The following EVI5 variants were observed in gnomAD, a reference collection of about 807,000 sequenced individuals.
EVI5 encodes ecotropic viral integration site 5 protein homolog.
Under a neutral mutation model 112.0 loss-of-function variants are expected in EVI5, and 73 were observed. The observed-to-expected ratio is 0.65, with a 90% CI of 0.54 to 0.79. The LOEUF (loss-of-function observed/expected upper bound fraction) is 0.79, where lower values mean the gene tolerates loss of function less well. Ranked by LOEUF, EVI5 falls within the 30% of genes least tolerant of loss-of-function variation. The pLI, the probability that EVI5 is intolerant of heterozygous loss-of-function variation, is 0.00. For missense variants in EVI5, 900 were observed against 968.8 expected, an observed-to-expected ratio of 0.93 and a Z score of 0.94; for synonymous variants, 305 against 319.9, an observed-to-expected ratio of 0.95 and a Z score of 0.50.
intron 14 of EVI5, among the ~76,000 whole-genome samples, chr1:92,633,862 T>G (rs1475323225): frequency 2.0e-5 from 3 of 152,188 alleles, no homozygotes; most frequent in Non-Finnish European, 4.4e-5. Context: ...AGGAGCTCTT[T>G]TAGGGCAGGC....
In EVI5 at chr1:92,511,239, A is replaced by C. The variant is rs189505911; in HGVS notation, c.*2417T>G. ...CAAAGTGGGTGGATCACCTGAGGTC[A>C]GAAGTTTGAGATCAGCCTGGCCAAC... is the stretch of plus-strand genomic sequence containing the variant. On this transcript the variant is annotated 3_prime_UTR_variant, in exon 20 of 20. Transcript: ENST00000684568. 5 of 152,330 alleles carry C rather than the reference A, an allele frequency of 3.3e-5. No homozygotes were observed. The highest frequency in any genetic ancestry group is 5.9e-5 in the Non-Finnish European group (4 of 68,044). 9.4% of individuals were successfully genotyped at this position (152,330 alleles called of 1,614,324 possible).
intron 16 of EVI5, among the ~76,000 whole-genome samples, chr1:92,621,085 C>T (rs1654458285): frequency 6.6e-6 from 1 of 151,656 alleles, no homozygotes; most frequent in Non-Finnish European, 1.5e-5. Flanking sequence ...ACTAAAAAAA[C>T]TCTTGAAAGA....
At chr1:92,525,661 A>G (rs1661745452) in intron 19 of EVI5, among the ~76,000 whole-genome samples, 1 of 152,192 alleles carries the variant, frequency 6.6e-6, no homozygotes, top group Non-Finnish European at 1.5e-5. Context: ...TATTCTTATA[A>G]TAATTTGTTT....
chr1:92,578,604 G>C (rs990099156), intron 18 of EVI5, among the ~76,000 whole-genome samples: 1 of 151,952 alleles, frequency 6.6e-6, no homozygotes, highest in Non-Finnish European at 1.5e-5. Flanking sequence ...TGTAGTCCCA[G>C]CTACTCGGGA....
intron 1 of EVI5, among the ~76,000 whole-genome samples, chr1:92,767,264 C>T (rs558430871): frequency 6.6e-6 from 1 of 152,232 alleles, no homozygotes; most frequent in South Asian, 2.1e-4. Flanking sequence ...TATGACAGTG[C>T]TTGTGCTCAA....
intron 14 of EVI5, among the ~76,000 whole-genome samples, chr1:92,635,906 TTCTC>T (rs1253079635): frequency 1.3e-5 from 2 of 152,182 alleles, no homozygotes; most frequent in East Asian, 3.8e-4. Flanking sequence ...TCACCTGAGT[TTCTC>T]TCTTCTGCAA....
chr1:92,695,863 C>T (rs1170597821), intron 6 of EVI5, among the ~76,000 whole-genome samples: 1 of 152,000 alleles, frequency 6.6e-6, no homozygotes, highest in Admixed American at 6.6e-5. Context: ...TTCTTACCTT[C>T]CTAAAGAATA....
intron 10 of EVI5, among the ~76,000 whole-genome samples, chr1:92,676,531 C>T (rs1297398200): frequency 6.6e-6 from 1 of 152,162 alleles, no homozygotes; most frequent in Non-Finnish European, 1.5e-5. Flanking sequence ...AAAGGCAACA[C>T]AATTTTTCTC....
intron 1 of EVI5, among the ~76,000 whole-genome samples, chr1:92,762,638 A>AGTTTTAATAGTTTATTAAAGAATT (rs1421336349): frequency 6.6e-6 from 1 of 152,210 alleles, no homozygotes; most frequent in Non-Finnish European, 1.5e-5. Flanking sequence ...TAATCTTATT[A>AGTTTTAATAGTTTATTAAAGAATT]CCTATTTAAG....
intron 19 of EVI5, among the ~76,000 whole-genome samples, chr1:92,536,725 TAAAG>T (rs949250752): frequency 3.3e-5 from 5 of 152,168 alleles, no homozygotes; most frequent in Non-Finnish European, 5.9e-5. Context: ...TTATAAGTGA[TAAAG>T]AAATCTGTGC....
At chr1:92,570,014 T>A (rs552836923) in intron 18 of EVI5, among the ~76,000 whole-genome samples, 34 of 152,234 alleles carry the variant, frequency 2.2e-4, no homozygotes, top group Non-Finnish European at 4.0e-4. Context: ...TTGTCAGTTC[T>A]GTCTGTATAC....
Position 92,576,205 on chromosome 1 carries a change from A to G in EVI5, c.2071-12468T>C, listed in dbSNP as rs141750029. Reference sequence around the variant, plus strand: ...ATTCTACCTTAGAGTCATATGTATGATATTATGTATACATGTCCTACACAT... The same window carrying G: ...ATTCTACCTTAGAGTCATATGTATGGTATTATGTATACATGTCCTACACAT... On this transcript the variant is annotated intron_variant, in intron 18 of 19. Transcript: ENST00000684568. 1.8e-4 allele frequency among the ~76,000 whole-genome samples: 27 copies of G among 151,816 alleles called. No homozygotes were observed. In the South Asian group the frequency reaches 4.8e-3, roughly 27 times the overall value.
At chr1:92,560,380 T>C (rs1419763133) in intron 19 of EVI5, among the ~76,000 whole-genome samples, 1 of 152,146 alleles carries the variant, frequency 6.6e-6, no homozygotes, top group East Asian at 1.9e-4. Context: ...CATGGTTACC[T>C]TTGAGTAGAA....
chr1:92,639,129 T>C (rs531050642), intron 13 of EVI5, among the ~76,000 whole-genome samples: 1 of 152,188 alleles, frequency 6.6e-6, no homozygotes, highest in Non-Finnish European at 1.5e-5. Context: ...AGTTAATTTA[T>C]GTAAATGAAT....
chr1:92,547,451 G>A (rs1665933644), intron 19 of EVI5, among the ~76,000 whole-genome samples: 3 of 152,146 alleles, frequency 2.0e-5, no homozygotes, highest in South Asian at 4.1e-4. Context: ...AGAGAAGCAA[G>A]AGCAAACACA....
chr1:92,565,956 A>AAAAAAAAAAG lies in EVI5; in HGVS notation c.2071-2220_2071-2219insCTTTTTTTTT, dbSNP rs1314958286. Among the ~76,000 whole-genome samples, 7 of 148,216 alleles carry AAAAAAAAAAG rather than the reference A, an allele frequency of 4.7e-5. 1 individual carries two copies. Among genetic ancestry groups the AAAAAAAAAAG allele is most frequent in the Non-Finnish European group, 1.0e-4 (7 of 67,186 alleles). On this transcript the variant is annotated intron_variant, in intron 18 of 19. Coordinates refer to ENST00000684568, the MANE Select transcript of EVI5 (RefSeq NM_001350197.2). The stretch of plus-strand genomic sequence containing the variant: ...CTGCATTCCAGCCCGAGCAAAAAAA[A>AAAAAAAAAAG]AAAAAAAAAAAAGAAATGTTCTAGC...
intron 1 of EVI5, among the ~76,000 whole-genome samples, chr1:92,781,334 C>G (rs1368781611): frequency 1.3e-5 from 2 of 151,852 alleles, no homozygotes; most frequent in Admixed American, 6.6e-5. Context: ...TGTTGAAACC[C>G]TGACTCTACA....
At chr1:92,759,459 T>C (rs1681469056) in intron 1 of EVI5, among the ~76,000 whole-genome samples, 1 of 152,236 alleles carries the variant, frequency 6.6e-6, no homozygotes, top group South Asian at 2.1e-4. Flanking sequence ...AACAGACTTT[T>C]TTTAAAAGTA....
chr1:92,544,570 A>C (rs1665364293), intron 19 of EVI5, among the ~76,000 whole-genome samples: 1 of 152,196 alleles, frequency 6.6e-6, no homozygotes, highest in African/African-American at 2.4e-5. Context: ...TTTAAAATGA[A>C]GTTGTAGGAA....
Sources: gnomAD v4.1 joint callset for allele counts (sites outside exome capture counted in the v4.1 genomes callset) on GRCh38, gnomAD v4.1.1 for gene constraint, MANE v1.5 for transcripts, NCBI Gene and HGNC (gene_info 2026-07-23, HGNC 2026-07-21) for gene names.